SPATA45: variants seen among roughly 807,000 people sequenced by gnomAD.
SPATA45 encodes spermatogenesis-associated protein 45.
Under a neutral mutation model 7.0 loss-of-function variants are expected in SPATA45, and 5 were observed. That is an observed-to-expected ratio of 0.71 (90% CI 0.37 to 1.50). The LOEUF is 1.50. Ranked by LOEUF, SPATA45 falls within the 40% of genes most tolerant of loss-of-function variation. The probability of loss-of-function intolerance (pLI) is 0.03; values close to 1 mark genes in which losing one functional copy is unlikely to be tolerated. For missense variants in SPATA45, 111 were observed against 114.9 expected (o/e 0.97, Z 0.16); for synonymous variants, 40 against 38.7 (o/e 1.03, Z -0.13).
chr1:212,839,855 T>A (rs1031096761), intron 1 of SPATA45, among the ~76,000 whole-genome samples: 5 of 151,716 alleles, frequency 3.3e-5, no homozygotes. Flanking sequence ...GTTCATTGTA[T>A]GTCAATGACC....
chr1:212,830,488 G>A (rs1289187891), intron 2 of SPATA45, among the ~76,000 whole-genome samples: 1 of 150,334 alleles, frequency 6.7e-6, no homozygotes, highest in Non-Finnish European at 1.5e-5. Context: ...TGGCCAAGAT[G>A]GTGAAACCCC....
intron 1 of SPATA45, among the ~76,000 whole-genome samples, chr1:212,840,266 C>T (rs778520985): frequency 5.5e-5 from 8 of 144,974 alleles, no homozygotes; most frequent in Non-Finnish European, 1.1e-4. Context: ...AAAACTTAGC[C>T]GGGCGTGGTG....
At chr1:212,831,905 T>C (rs903926424) in intron 2 of SPATA45, among the ~76,000 whole-genome samples, 5 of 150,920 alleles carry the variant, frequency 3.3e-5, no homozygotes, top group African/African-American at 1.2e-4. Context: ...CATATAGTTA[T>C]ATGGGCAGCA....
chr1:212,836,450 C>T (rs140925785), intron 1 of SPATA45, among the ~76,000 whole-genome samples: 2 of 151,446 alleles, frequency 1.3e-5, no homozygotes, highest in Non-Finnish European at 3.0e-5. Flanking sequence ...TGTGCCTCAG[C>T]CTCCTAAGTA....
At chr1:212,834,134 A>G (rs1264040146) in intron 2 of SPATA45, among the ~76,000 whole-genome samples, 1 of 151,698 alleles carries the variant, frequency 6.6e-6, no homozygotes, top group Non-Finnish European at 1.5e-5. Context: ...TCTACACCAC[A>G]CTGTATCACA....
chr1:212,841,625 A>G (rs1234724909), intron 1 of SPATA45, among the ~76,000 whole-genome samples: 3 of 133,048 alleles, frequency 2.3e-5, no homozygotes, highest in African/African-American at 8.6e-5. Context: ...AAGAAGAGGT[A>G]TCTTTCTTTT....
Position 212,844,895 on chromosome 1 carries a change from T to C in SPATA45, c.-39+2685A>G, listed in dbSNP as rs903975085. The stretch of plus-strand genomic sequence containing the variant: ...GCAAGGGCCACCAAAAGGCATCAGA[T>C]CCCATCGCTCAGGGCAATGCTTATG... On this transcript the variant is annotated intron_variant, in intron 1 of 2. Transcript: ENST00000332912. 2.5e-4 allele frequency among the ~76,000 whole-genome samples: 38 copies of C among 152,140 alleles called. 1 individual carries two copies. Among genetic ancestry groups the C allele is most frequent in the South Asian group, 2.1e-4 (1 of 4,830 alleles).
At chr1:212,840,522 C>T (rs768641469) in intron 1 of SPATA45, among the ~76,000 whole-genome samples, 14 of 152,072 alleles carry the variant, frequency 9.2e-5, no homozygotes, top group Non-Finnish European at 1.8e-4. Flanking sequence ...CAGGTTCAAG[C>T]GATTCTCGTG....
At chr1:212,843,087 A>G (rs941968401) in intron 1 of SPATA45, among the ~76,000 whole-genome samples, 6 of 135,220 alleles carry the variant, frequency 4.4e-5, no homozygotes, top group African/African-American at 1.7e-4. Flanking sequence ...ACAGAGCAAG[A>G]CTCCGTCAAA....
At chr1:212,834,733 G>A (rs562333190) in intron 2 of SPATA45, among the ~76,000 whole-genome samples, 3 of 151,774 alleles carry the variant, frequency 2.0e-5, no homozygotes, top group East Asian at 1.9e-4. Context: ...CTGGAGGTGT[G>A]AGCCACCGCG....
Position 212,832,163 on chromosome 1 carries a change from C to A in SPATA45, c.278-1902G>T, listed in dbSNP as rs1663501474. Reference sequence around the variant, plus strand: ...CCTCCAGAGTAGCTAGGATTACAGGCATGCACCACCATGCCCAGCTAATTT... The same window carrying A: ...CCTCCAGAGTAGCTAGGATTACAGGAATGCACCACCATGCCCAGCTAATTT... On this transcript the variant is annotated intron_variant, in intron 2 of 2. Transcript: ENST00000332912. Among the ~76,000 whole-genome samples the A allele has an allele frequency of 3.3e-5, 5 of 150,168 alleles. No individual in the cohort carries two copies. In the South Asian group the frequency reaches 1.1e-3, roughly 32 times the overall value.
intron 2 of SPATA45, among the ~76,000 whole-genome samples, chr1:212,832,169 C>T (rs1308048548): frequency 6.7e-6 from 1 of 150,256 alleles, no homozygotes; most frequent in Non-Finnish European, 1.5e-5. Flanking sequence ...CAGGCATGCA[C>T]CACCATGCCC....
chr1:212,835,792 C>T lies in SPATA45; in HGVS notation c.277+81G>A, dbSNP rs879554969. The T allele has an allele frequency of 4.5e-5, 56 of 1,237,166 alleles. 2 individuals carry two copies. The highest frequency in any genetic ancestry group is 3.1e-4 in the South Asian group (20 of 64,648). The allele number at this position is 1,237,166 out of a possible 1,614,324, so 76.6% of individuals were successfully genotyped here. A position where few individuals can be genotyped will look rare whatever the true frequency, so the allele number is the denominator to read the frequency against. On this transcript the variant is annotated intron_variant, in intron 2 of 2. Coordinates refer to ENST00000332912, the MANE Select transcript of SPATA45 (RefSeq NM_001024601.3). ...TGGAGGTTGCAGTGAGCTGAGATCG[C>T]GCCACTGCACTCCAGCCTGGGCGAC...
At chr1:212,843,139 A>ACT (rs1553260404) in intron 1 of SPATA45, among the ~76,000 whole-genome samples, 3,174 of 144,358 alleles carry the variant, frequency 0.022, 79 homozygotes, top group African/African-American at 0.06. Flanking sequence ...ACACACACAC[A>ACT]CTTAGCTGGG....
At chr1:212,833,482 A>C (rs1175704496) in intron 2 of SPATA45, among the ~76,000 whole-genome samples, 1 of 145,194 alleles carries the variant, frequency 6.9e-6, no homozygotes, top group Non-Finnish European at 1.5e-5. Context: ...AACATGACGA[A>C]ACCCCATCTC....
At position 212,830,181 on chromosome 1, in the gene SPATA45, T is replaced by C; in HGVS notation, c.*61A>G. ...TTTATAATTAATAATTTGTAAATAATTTAGACACACTGAAGAAGAATCAAA... is the reference window on the plus strand; with the variant it reads ...TTTATAATTAATAATTTGTAAATAACTTAGACACACTGAAGAAGAATCAAA... On this transcript the variant is annotated 3_prime_UTR_variant, in exon 3 of 3. Coordinates refer to ENST00000332912, the MANE Select transcript of SPATA45 (RefSeq NM_001024601.3). The C allele has an allele frequency of 8.2e-7, 1 of 1,224,466 alleles. No homozygotes were observed. The highest frequency in any genetic ancestry group is 2.1e-5 in the Admixed American group (1 of 46,828). 75.9% of individuals were successfully genotyped at this position (1,224,466 alleles called of 1,614,324 possible). A position where few individuals can be genotyped will look rare whatever the true frequency, so the allele number is the denominator to read the frequency against.
chr1:212,836,463 T>G (rs1299451210), intron 1 of SPATA45, among the ~76,000 whole-genome samples: 2 of 151,468 alleles, frequency 1.3e-5, no homozygotes, highest in African/African-American at 4.8e-5. Flanking sequence ...CCTAAGTAGC[T>G]GGAATTACAG....
chr1:212,835,992 TC>T lies in SPATA45; in HGVS notation c.157del (p.Asp53MetfsTer26). 1 of 1,611,252 alleles carries T rather than the reference TC, an allele frequency of 6.2e-7. No individual in the cohort carries two copies. Among genetic ancestry groups the T allele is most frequent in the South Asian group, 1.1e-5 (1 of 90,784 alleles). ...GGTATCAGTAAAGGACTGATAGGCA[TC>T]CGGGAAGTGCCTCTTTTGAACTCTC... ...LLRVQKRHFP[D>X]AYQSFTDTTT... On this transcript the variant is annotated frameshift_variant, in exon 2 of 3. Transcript: ENST00000332912. LOFTEE classifies it high-confidence loss of function.
intron 1 of SPATA45, among the ~76,000 whole-genome samples, chr1:212,838,146 CATA>C (rs1663619332): frequency 6.6e-6 from 1 of 150,996 alleles, no homozygotes; most frequent in Non-Finnish European, 1.5e-5. Flanking sequence ...ACTAAAAATA[CATA>C]AAAAAATTAA....
Sources: gnomAD v4.1 joint callset for allele counts (sites outside exome capture counted in the v4.1 genomes callset) on GRCh38, gnomAD v4.1.1 for gene constraint, MANE v1.5 for transcripts, NCBI Gene and HGNC (gene_info 2026-07-23, HGNC 2026-07-21) for gene names.